DDX31: variants seen among roughly 807,000 people sequenced by gnomAD.
DDX31 encodes ATP-dependent DNA helicase DDX31.
In DDX31, 70 loss-of-function variants were observed where a neutral mutation model predicts 91.3. The observed-to-expected ratio is 0.77, with a 90% confidence interval of 0.63 to 0.94. The LOEUF (loss-of-function observed/expected upper bound fraction) is 0.94. Among genes scored for constraint, DDX31 ranks in the 40% least tolerant of loss-of-function variants. DDX31 has a pLI of 0.00. For missense variants in DDX31, 902 were observed against 925.0 expected (o/e 0.98, Z 0.32); for synonymous variants, 362 against 350.6 (o/e 1.03, Z -0.36).
intron 17 of DDX31, among the ~76,000 whole-genome samples, chr9:132,620,287 A>C (rs1039364827): frequency 1.3e-5 from 2 of 152,124 alleles, no homozygotes; most frequent in Non-Finnish European, 2.9e-5. Context: ...AGAGACCTCA[A>C]GCTTAAGTGA....
At chr9:132,606,579 G>A (rs144789809) in intron 19 of DDX31, among the ~76,000 whole-genome samples, 141 of 152,234 alleles carry the variant, frequency 9.3e-4, no homozygotes, top group African/African-American at 3.2e-3. Context: ...TTCCCGTGCC[G>A]GACACCACGA....
rs115844232 is a variant in DDX31 at position 132,669,523 on chromosome 9, G to A, written c.75+337C>T. ...ACTCAGTCGAGGAAACTGGCTTAGAGAAGTTAAGCTTTGGCCTGGGACTTG... is the reference window on the plus strand; with the variant it reads ...ACTCAGTCGAGGAAACTGGCTTAGAAAAGTTAAGCTTTGGCCTGGGACTTG... On this transcript the variant is annotated intron_variant, in intron 1 of 19. Transcript: ENST00000372159. 1,889 of 1,359,778 alleles carry A rather than the reference G, an allele frequency of 1.4e-3. 28 individuals carry two copies. In the African/African-American group the frequency reaches 0.025, roughly 18 times the overall value. The allele number at this position is 1,359,778 out of a possible 1,614,324, so 84.2% of individuals were successfully genotyped here. A position where few individuals can be genotyped will look rare whatever the true frequency, so the allele number is the denominator to read the frequency against.
intron 19 of DDX31, among the ~76,000 whole-genome samples, chr9:132,608,624 T>C (rs1831157087): frequency 6.6e-6 from 1 of 152,182 alleles, no homozygotes; most frequent in Non-Finnish European, 1.5e-5. Flanking sequence ...GGTTTGCACA[T>C]AATATATAAT....
intron 16 of DDX31, 35 bp from the exon 17 acceptor site, chr9:132,625,780 G>A (rs1464070104): frequency 6.3e-7 from 1 of 1,585,070 alleles, no homozygotes; most frequent in African/African-American, 1.4e-5. Context: ...GTAACTTTTT[G>A]CTCTTTCAAA....
At chr9:132,624,382 T>G (rs1832262070) in intron 17 of DDX31, among the ~76,000 whole-genome samples, 1 of 152,296 alleles carries the variant, frequency 6.6e-6, no homozygotes, top group Non-Finnish European at 1.5e-5. Flanking sequence ...TGATGACCAA[T>G]GGAGTCTTTA....
Position 132,598,481 on chromosome 9 carries a change from A to AC in DDX31, c.1995-3370dup, listed in dbSNP as rs541668781. ...CTCCCTTGTAGTGAAGGCTGAATAA[A>AC]CCCCCCCTCAGTTACCAGGCTGGAT... On this transcript the variant is annotated intron_variant, in intron 19 of 19. Transcript: ENST00000372159. Among the ~76,000 whole-genome samples, 9 of 151,344 alleles carry AC rather than the reference A, an allele frequency of 5.9e-5. No homozygotes were observed. The South Asian group carries it at 6.3e-4, about 11-fold the overall frequency.
intron 14 of DDX31, chr9:132,638,029 G>A (rs1469191260): frequency 7.8e-6 from 9 of 1,151,878 alleles, no homozygotes; most frequent in East Asian, 5.1e-5. Context: ...AAAAAAATAC[G>A]GAGAAGGTGG....
At chr9:132,633,192 G>A (rs2130682839) in intron 14 of DDX31, among the ~76,000 whole-genome samples, 1 of 152,306 alleles carries the variant, frequency 6.6e-6, no homozygotes, top group East Asian at 1.9e-4. Flanking sequence ...ATCCAGGTCT[G>A]CTTTGCTTTT....
intron 14 of DDX31, chr9:132,638,280 C>G: frequency 6.2e-7 from 1 of 1,608,566 alleles, no homozygotes; most frequent in East Asian, 2.2e-5. Context: ...TCCGGCCATT[C>G]GGTGGTACTT....
At chr9:132,602,772 A>G (rs929453404) in intron 19 of DDX31, among the ~76,000 whole-genome samples, 5 of 152,222 alleles carry the variant, frequency 3.3e-5, no homozygotes, top group Non-Finnish European at 5.9e-5. Context: ...AAGCATTCAC[A>G]TGCTGCCCAT....
chr9:132,612,745 T>C (rs1589984376), intron 18 of DDX31, among the ~76,000 whole-genome samples: 1 of 152,358 alleles, frequency 6.6e-6, no homozygotes, highest in South Asian at 2.1e-4. Context: ...TGCATGCTAG[T>C]CTGTTACAAA....
At chr9:132,618,245 A>G (rs1831767449) in intron 18 of DDX31, 85 bp downstream of exon 18, 2 of 1,167,434 alleles carry the variant, frequency 1.7e-6, no homozygotes, top group Non-Finnish European at 2.4e-6. Context: ...TGGCCTCTCA[A>G]CCGGTTTGGG....
intron 3 of DDX31, among the ~76,000 whole-genome samples, chr9:132,661,834 G>A (rs1014002423): frequency 6.6e-6 from 1 of 151,974 alleles, no homozygotes; most frequent in African/African-American, 2.4e-5. Flanking sequence ...TAAAACTGTG[G>A]ACGTCCTTTA....
chr9:132,614,801 C>G (rs563320154), intron 18 of DDX31, among the ~76,000 whole-genome samples: 1 of 152,286 alleles, frequency 6.6e-6, no homozygotes, highest in African/African-American at 2.4e-5. Context: ...CCCCAGACAA[C>G]TGGCCAGGCA....
In DDX31 at chr9:132,612,194, G is replaced by T; in HGVS notation, c.1887C>A (p.His629Gln). Residue 629 changes from histidine to glutamine, a missense_variant, in exon 19 of 20, where the codon CAC (histidine) becomes CAA (glutamine). Coordinates refer to ENST00000372159, the MANE Select transcript of DDX31 (RefSeq NM_022779.9). ...CATGCCCAAGGTGGAGGGATCGGAC[G>T]TGGAAGATGTGCTTCAGCTCCCTGG... ...TYPRELKHIF[H>Q]VRSLHLGHVA... 1 of 1,614,214 alleles carries T rather than the reference G, an allele frequency of 6.2e-7. No homozygotes were observed.
rs560465609 is a variant in DDX31 at position 132,662,532 on chromosome 9, G to A, written c.239C>T (p.Ser80Leu). 5.0e-5 allele frequency: 81 copies of A among 1,614,074 alleles called. No homozygotes were observed. The highest frequency in any genetic ancestry group is 8.3e-5 in the Admixed American group (5 of 59,998). The change falls in exon 2 of 20, where the codon TCG becomes TTG. Residue 80 changes from serine (S) to leucine (L), a missense_variant. Physicochemically the swap from Ser to Leu is moderately radical, Grantham distance 145 (BLOSUM62 -2). Transcript: ENST00000372159. ...CTGGTTTCTATCACTTGTGCTAACC[G>A]AATGCTTCTTTGGAGAAAACATTTT... ...AQKMFSPKKH[S>L]VSTSDRNQEE...
intron 14 of DDX31, among the ~76,000 whole-genome samples, chr9:132,635,045 C>T (rs1038001745): frequency 1.2e-4 from 19 of 152,092 alleles, no homozygotes; most frequent in Admixed American, 6.6e-5. Flanking sequence ...CTGAGGACAT[C>T]GGACAACTGG....
At position 132,595,482 on chromosome 9, in the gene DDX31, G is replaced by C. The variant is rs143303599; in HGVS notation, c.1995-370C>G. ...CCGTCACACTCAACAACATGAAGCA[G>C]TGAAAGCTCACGGCAGCTTCCCAGT... On this transcript the variant is annotated intron_variant, in intron 19 of 19. Coordinates refer to ENST00000372159, the MANE Select transcript of DDX31 (RefSeq NM_022779.9). This position sits in a 1 kb window ranked among gnomAD's most constrained non-coding sequence, Gnocchi z 4.6. 2.1e-3 allele frequency among the ~76,000 whole-genome samples: 325 copies of C among 152,320 alleles called. 2 individuals are homozygous for C. Among genetic ancestry groups the C allele is most frequent in the African/African-American group, 7.4e-3 (309 of 41,574 alleles).
chr9:132,635,213 C>T (rs746328550), intron 14 of DDX31, among the ~76,000 whole-genome samples: 2 of 152,036 alleles, frequency 1.3e-5, no homozygotes, highest in African/African-American at 4.8e-5. Flanking sequence ...CTTTCTCCTT[C>T]GTAATGAGTA....
Sources: gnomAD v4.1 joint callset for allele counts (sites outside exome capture counted in the v4.1 genomes callset) on GRCh38, gnomAD v4.1.1 for gene constraint, Gnocchi (gnomAD v3.1) non-coding constraint, MANE v1.5 for transcripts, NCBI Gene and HGNC (gene_info 2026-07-23, HGNC 2026-07-21) for gene names.